CDK5RAP2: variants seen among roughly 807,000 people sequenced by gnomAD.
CDK5RAP2 encodes the protein CDK5 regulatory subunit associated protein 2.
Under a neutral mutation model 232.9 loss-of-function variants are expected in CDK5RAP2, and 147 were observed. That is an observed-to-expected ratio of 0.63 (90% confidence interval 0.55 to 0.72). The LOEUF (loss-of-function observed/expected upper bound fraction) is 0.72, where lower values mean the gene tolerates loss of function less well. Ranked by LOEUF, CDK5RAP2 falls within the 30% of genes least tolerant of loss-of-function variation. The pLI is 0.00. For missense variants in CDK5RAP2, 2,195 were observed against 2,231.5 expected, an observed-to-expected ratio of 0.98 and a Z score of 0.33; for synonymous variants, 833 against 833.7, an observed-to-expected ratio of 1.00 and a Z score of 0.01.
chr9:120,510,128 G>T (rs1190695271), intron 12 of CDK5RAP2, among the ~76,000 whole-genome samples: 3 of 152,170 alleles, frequency 2.0e-5, no homozygotes, highest in Non-Finnish European at 4.4e-5. Flanking sequence ...TCTAAATGCT[G>T]TCACAATCTC....
At chr9:120,528,459 G>C (rs1375571415) in intron 9 of CDK5RAP2, among the ~76,000 whole-genome samples, 1 of 152,188 alleles carries the variant, frequency 6.6e-6, no homozygotes, top group Admixed American at 6.5e-5. Flanking sequence ...ACATGGGCAG[G>C]TCCAAATCTT....
chr9:120,578,204 T>C (rs1274171663), intron 1 of CDK5RAP2, among the ~76,000 whole-genome samples: 1 of 151,952 alleles, frequency 6.6e-6, no homozygotes, highest in Non-Finnish European at 1.5e-5. Flanking sequence ...GAGGCGGAGG[T>C]TGAAGTGAGC....
At chr9:120,481,946 T>C (rs1027414837) in intron 14 of CDK5RAP2, among the ~76,000 whole-genome samples, 1 of 152,242 alleles carries the variant, frequency 6.6e-6, no homozygotes, top group Admixed American at 6.5e-5. Context: ...ACTTGATATA[T>C]GTCAGCTGTT....
rs551128252 is a variant in CDK5RAP2 at position 120,566,260 on chromosome 9, T to C, written c.195+2061A>G. On this transcript the variant is annotated intron_variant, in intron 3 of 37. Transcript: ENST00000349780. The stretch of plus-strand genomic sequence containing the variant: ...CAGGCCAAATGAAAAATTTCAGTGA[T>C]TCATAAAGACCTGAAAGGGAGACAT... Among the ~76,000 whole-genome samples, 44 of 152,326 alleles carry C rather than the reference T, an allele frequency of 2.9e-4. No homozygotes were observed. The South Asian group carries it at 8.1e-3, about 28-fold the overall frequency.
rs60659152 is a variant in CDK5RAP2 at position 120,526,751 on chromosome 9, A to G, written c.999+1055T>C. On this transcript the variant is annotated intron_variant, in intron 10 of 37. Coordinates refer to ENST00000349780, the MANE Select transcript of CDK5RAP2 (RefSeq NM_018249.6). Reference sequence around the variant, plus strand: ...CCCCCACCGGCTGGCCACTTGAAGAAGCTTCACCTTCTTCTCTCGCCTCCT... The same window carrying G: ...CCCCCACCGGCTGGCCACTTGAAGAGGCTTCACCTTCTTCTCTCGCCTCCT... Among the ~76,000 whole-genome samples, 1,047 of 152,258 alleles carry G rather than the reference A, an allele frequency of 6.9e-3. 9 individuals carry two copies. The highest frequency in any genetic ancestry group is 0.024 in the African/African-American group (991 of 41,554).
chr9:120,558,557 G>GCC (rs1417794721), intron 3 of CDK5RAP2, among the ~76,000 whole-genome samples: 1 of 151,810 alleles, frequency 6.6e-6, no homozygotes, highest in Non-Finnish European at 1.5e-5. Flanking sequence ...GTATCATCTG[G>GCC]CCCCTGTCCA....
At chr9:120,485,435 C>T (rs1166337528) in intron 14 of CDK5RAP2, among the ~76,000 whole-genome samples, 2 of 151,918 alleles carry the variant, frequency 1.3e-5, no homozygotes, top group East Asian at 3.9e-4. Context: ...GCTGGGATTA[C>T]AGGCATGTGC....
Position 120,400,075 on chromosome 9 carries a change from CAG to C in CDK5RAP2, c.5451+665_5451+666del, listed in dbSNP as rs562951802. On this transcript the variant is annotated intron_variant, in intron 35 of 37. Coordinates refer to ENST00000349780, the MANE Select transcript of CDK5RAP2 (RefSeq NM_018249.6). ...GTGAAATATCTATCACACCACCAAG[CAG>C]AGAGTTCTAACTCTTCCTTAACCTG... 5.0e-3 allele frequency among the ~76,000 whole-genome samples: 766 copies of C among 152,302 alleles called. 9 individuals are homozygous for C. The highest frequency in any genetic ancestry group is 0.018 in the African/African-American group (733 of 41,570).
intron 14 of CDK5RAP2, 70 bp from the exon 15 acceptor site, chr9:120,477,520 A>G (rs924393323): frequency 8.5e-7 from 1 of 1,178,672 alleles, no homozygotes; most frequent in African/African-American, 1.5e-5. Context: ...TATTATGCAA[A>G]CATATGTAGC....
At chr9:120,430,817 G>A (rs2035241354) in intron 25 of CDK5RAP2, among the ~76,000 whole-genome samples, 1 of 152,156 alleles carries the variant, frequency 6.6e-6, no homozygotes, top group Non-Finnish European at 1.5e-5. Context: ...GCACACATAT[G>A]TTTACTGCGG....
chr9:120,515,043 T>C (rs1176597510), intron 12 of CDK5RAP2, among the ~76,000 whole-genome samples: 2 of 152,088 alleles, frequency 1.3e-5, no homozygotes, highest in African/African-American at 2.4e-5. Context: ...CTACATATTA[T>C]ATATTATCGA....
intron 13 of CDK5RAP2, among the ~76,000 whole-genome samples, chr9:120,489,220 G>A (rs945621220): frequency 2.6e-5 from 4 of 152,164 alleles, no homozygotes; most frequent in African/African-American, 7.2e-5. Flanking sequence ...GTCATTCCAA[G>A]TGTGGGTTCT....
At chr9:120,549,009 T>C (rs2041954405) in intron 4 of CDK5RAP2, among the ~76,000 whole-genome samples, 2 of 151,992 alleles carry the variant, frequency 1.3e-5, no homozygotes, top group African/African-American at 4.8e-5. Context: ...GTACAAAAAT[T>C]AGCCAGGCGT....
At chr9:120,556,102 C>A (rs1008174990) in intron 3 of CDK5RAP2, among the ~76,000 whole-genome samples, 21 of 152,128 alleles carry the variant, frequency 1.4e-4, no homozygotes, top group Non-Finnish European at 3.1e-4. Context: ...GTTCTATATT[C>A]TGATTGTGGT....
At chr9:120,417,646 A>AGT (rs2034311477) in intron 27 of CDK5RAP2, among the ~76,000 whole-genome samples, 2 of 152,234 alleles carry the variant, frequency 1.3e-5, no homozygotes, top group African/African-American at 4.8e-5. Context: ...TGAACTGGAC[A>AGT]CCACTTATTA....
chr9:120,560,075 C>T (rs1379719690), intron 3 of CDK5RAP2, among the ~76,000 whole-genome samples: 1 of 152,226 alleles, frequency 6.6e-6, no homozygotes, highest in African/African-American at 2.4e-5. Context: ...AAAGCTGAGG[C>T]TCACCCTACC....
chr9:120,407,720 A>AC, intron 31 of CDK5RAP2: 1 of 163,250 alleles, frequency 6.1e-6, no homozygotes, highest in Non-Finnish European at 1.3e-5. Context: ...ATAAAAAAAA[A>AC]AAAAAAACAC....
intron 14 of CDK5RAP2, among the ~76,000 whole-genome samples, chr9:120,486,311 T>C (rs1288863245): frequency 6.6e-6 from 1 of 151,530 alleles, no homozygotes; most frequent in Non-Finnish European, 1.5e-5. Flanking sequence ...TTCACAAACC[T>C]GCAAGTCACA....
At chr9:120,456,760 C>A (rs746007486) in intron 20 of CDK5RAP2, among the ~76,000 whole-genome samples, 1 of 152,118 alleles carries the variant, frequency 6.6e-6, no homozygotes, top group Non-Finnish European at 1.5e-5. Flanking sequence ...CAAAGGAGGA[C>A]CATTACTCAC....
Sources: allele counts gnomAD v4.1 joint callset (sites outside exome capture counted in the v4.1 genomes callset), GRCh38; gene constraint gnomAD v4.1.1; transcripts MANE v1.5; gene names NCBI Gene and HGNC (gene_info 2026-07-23, HGNC 2026-07-21).